Variants in VENTX observed in about 807,000 individuals in gnomAD.
The protein encoded by VENTX is VENT homeobox.
Under a neutral mutation model 10.5 loss-of-function variants are expected in VENTX, and 13 were observed. That is an observed-to-expected ratio of 1.23 (90% CI 0.80 to 1.96). The LOEUF (loss-of-function observed/expected upper bound fraction) is 1.96. Among genes scored for constraint, VENTX ranks in the 30% most tolerant of loss-of-function variants. VENTX has a pLI of 0.00. For missense variants in VENTX, 400 were observed against 341.8 expected (o/e 1.17, Z -1.34); for synonymous variants, 177 against 150.4 (o/e 1.18, Z -1.29).
Position 133,240,220 on chromosome 10 carries a change from AC to A in VENTX, c.695del (p.Pro232GlnfsTer63), listed in dbSNP as rs748563493. ...GCAGCCTCTGGCGTCCCACCCCCCTACCCCAGGCCGGCCTTCGCTGGGACCA... is the reference window on the plus strand; with the variant it reads ...GCAGCCTCTGGCGTCCCACCCCCCTACCCAGGCCGGCCTTCGCTGGGACCA... Reference protein sequence around the residue: ...CGQPLASHPPTPGRPSLGPAL... With the variant: ...CGQPLASHPPXPGRPSLGPAL... On this transcript the variant is annotated frameshift_variant, in exon 3 of 3. Coordinates refer to ENST00000325980, the MANE Select transcript of VENTX (RefSeq NM_014468.4). LOFTEE classifies it low-confidence loss of function (END_TRUNC). 68 of 1,608,994 alleles carry A rather than the reference AC, an allele frequency of 4.2e-5. No individual in the cohort carries two copies. Among genetic ancestry groups the A allele is most frequent in the Non-Finnish European group, 5.7e-5 (67 of 1,179,180 alleles).
In VENTX at chr10:133,239,638, T is replaced by C. The variant is rs367546707; in HGVS notation, c.242-38T>C. The C allele has an allele frequency of 6.8e-6, 11 of 1,607,542 alleles. No homozygotes were observed. The African/African-American group carries it at 1.3e-4, about 20-fold the overall frequency. On this transcript the variant is annotated intron_variant, in intron 1 of 2. Transcript: ENST00000325980. Reference sequence around the variant, plus strand: ...GTGGGCACGAGCTTGCCCCATGGGGTGGCATGTTGAGCCAAATGCCCTTAC... The same window carrying C: ...GTGGGCACGAGCTTGCCCCATGGGGCGGCATGTTGAGCCAAATGCCCTTAC...
chr10:133,239,868 G>A (rs771973181), intron 2 of VENTX, 32 bp downstream of exon 2: 4 of 1,608,936 alleles, frequency 2.5e-6, no homozygotes, highest in Middle Eastern at 3.5e-4. Flanking sequence ...GGGGTGGGCA[G>A]GGGTGGGCAA....
Position 133,240,244 on chromosome 10 carries a change from C to T in VENTX, c.715C>T (p.Pro239Ser), listed in dbSNP as rs1228975538. ...TACCCCAGGCCGGCCTTCGCTGGGA[C>T]CAGCCCTGTCCACGGGGCCCCGGGG... ...PPTPGRPSLG[P>S]ALSTGPRGLC... The change falls in exon 3 of 3, where the codon CCA becomes TCA. Residue 239 changes from proline (P) to serine (S), a missense_variant. By Grantham distance (74) the Pro-to-Ser change is moderately conservative. Transcript: ENST00000325980. 2 of 1,609,932 alleles carry T rather than the reference C, an allele frequency of 1.2e-6. No homozygotes were observed. The highest frequency in any genetic ancestry group is 1.7e-5 in the Admixed American group (1 of 59,676).
Position 133,240,443 on chromosome 10 carries a change from AATATATATAAATATATATATGTACGT to A in VENTX, c.*144_*169del. On this transcript the variant is annotated 3_prime_UTR_variant, in exon 3 of 3. Transcript: ENST00000325980. ...ACAAAGGTTCTGGAGATTACTGGAG[AATATATATAAATATATATATGTACGT>A]ATATATGTAAATACACATATACGTA... The A allele has an allele frequency of 1.4e-6, 1 of 710,998 alleles. No individual in the cohort carries two copies. The allele number at this position is 710,998 out of a possible 1,614,324, so 44.0% of individuals were successfully genotyped here.
rs1845874225 is a variant in VENTX at position 133,238,023 on chromosome 10, C to T, written c.109C>T (p.Pro37Ser). ...CTCAGGGCCGACCCACACCCCCAGG[C>T]CTGCCGACTTCTCCCTGGGGAGCCT... Reference protein sequence around the residue: ...SCSGPTHTPRPADFSLGSLPG... With the variant: ...SCSGPTHTPRSADFSLGSLPG... Residue 37 changes from proline to serine, a missense_variant, in exon 1 of 3, where the codon CCT becomes TCT. Physicochemically the swap from Pro to Ser is moderately conservative, Grantham distance 74 (BLOSUM62 -1). Coordinates refer to ENST00000325980, the MANE Select transcript of VENTX (RefSeq NM_014468.4). The T allele has an allele frequency of 6.2e-7, 1 of 1,600,754 alleles. No individual in the cohort carries two copies. The highest frequency in any genetic ancestry group is 8.5e-7 in the Non-Finnish European group (1 of 1,176,116).
chr10:133,240,351 C>T lies in VENTX; in HGVS notation c.*45C>T. On this transcript the variant is annotated 3_prime_UTR_variant, in exon 3 of 3. Coordinates refer to ENST00000325980, the MANE Select transcript of VENTX (RefSeq NM_014468.4). The stretch of plus-strand genomic sequence containing the variant: ...ACACTCGCGGTCTTGCTGATCGCAC[C>T]TGGCTCCTACCTGGAGGACTCAGTT... 6.6e-7 allele frequency: 1 copy of T among 1,526,412 alleles called. No homozygotes were observed. Among genetic ancestry groups the T allele is most frequent in the Non-Finnish European group, 8.8e-7 (1 of 1,136,916 alleles). The allele number at this position is 1,526,412 out of a possible 1,614,324, so 94.6% of individuals were successfully genotyped here. A position where few individuals can be genotyped will look rare whatever the true frequency, so the allele number is the denominator to read the frequency against.
chr10:133,239,864 G>A (rs1845907004), intron 2 of VENTX, 28 bp downstream of exon 2: 1 of 1,608,036 alleles, frequency 6.2e-7, no homozygotes, highest in South Asian at 1.1e-5. Context: ...GGCTGGGGTG[G>A]GCAGGGGTGG....
intron 2 of VENTX, 45 bp from the exon 3 acceptor site, chr10:133,239,887 T>C: frequency 1.9e-6 from 3 of 1,607,600 alleles, no homozygotes; most frequent in East Asian, 2.2e-5. Context: ...AAGGGTGGGC[T>C]GGTGGCCTAG....
At chr10:133,238,302 G>A in intron 1 of VENTX, 147 bp downstream of exon 1, 1 of 1,076,080 alleles carries the variant, frequency 9.3e-7, no homozygotes. Flanking sequence ...CGGAGGCCTT[G>A]CCGGCGCCCT....
Position 133,237,914 on chromosome 10 carries a change from C to T in VENTX, c.-1C>T. ...CCTTCCCTCCGGCCCACCTGGCCGC[C>T]ATGCGCCTCTCCTCCTCCCCACCTC... On this transcript the variant is annotated 5_prime_UTR_variant, in exon 1 of 3. Coordinates refer to ENST00000325980, the MANE Select transcript of VENTX (RefSeq NM_014468.4). 4 of 1,586,092 alleles carry T rather than the reference C, an allele frequency of 2.5e-6. No homozygotes were observed. Among genetic ancestry groups the T allele is most frequent in the Non-Finnish European group, 3.4e-6 (4 of 1,173,166 alleles).
At position 133,240,296 on chromosome 10, in the gene VENTX, A is replaced by T; in HGVS notation, c.767A>T (p.Asp256Val). 1 of 1,580,314 alleles carries T rather than the reference A, an allele frequency of 6.3e-7. No individual in the cohort carries two copies. Among genetic ancestry groups the T allele is most frequent in the Non-Finnish European group, 8.6e-7 (1 of 1,161,152 alleles). The change falls in exon 3 of 3, where the codon GAT (aspartate) becomes GTT (valine). Residue 256 changes from aspartate (D) to valine (V), a missense_variant. Physicochemically the swap from Asp to Val is radical, Grantham distance 152. Transcript: ENST00000325980. Reference sequence around the variant, plus strand: ...CTGTGTGCTATGCCACAGACGGGGGATGCATTTTGAGGAGGCACCTCTGAC... The same window carrying T: ...CTGTGTGCTATGCCACAGACGGGGGTTGCATTTTGAGGAGGCACCTCTGAC... ...RGLCAMPQTG[D>V]AF
In VENTX at chr10:133,238,030, AC is replaced by A; in HGVS notation, c.117del (p.Phe40SerfsTer43). 6.2e-7 allele frequency: 1 copy of A among 1,600,658 alleles called. No homozygotes were observed. Among genetic ancestry groups the A allele is most frequent in the Non-Finnish European group, 8.5e-7 (1 of 1,175,840 alleles). Reference sequence around the variant, plus strand: ...CCGACCCACACCCCCAGGCCTGCCGACTTCTCCCTGGGGAGCCTCCCTGGCC... The same window carrying A: ...CCGACCCACACCCCCAGGCCTGCCGATTCTCCCTGGGGAGCCTCCCTGGCC... The part of the protein sequence containing the change: ...SGPTHTPRPA[D>X]FSLGSLPGPG... On this transcript the variant is annotated frameshift_variant, in exon 1 of 3. Transcript: ENST00000325980. LOFTEE classifies it high-confidence loss of function.
At chr10:133,239,005 G>A (rs1845891679) in intron 1 of VENTX, among the ~76,000 whole-genome samples, 1 of 152,218 alleles carries the variant, frequency 6.6e-6, no homozygotes, top group Non-Finnish European at 1.5e-5. Context: ...GAAGGCATTT[G>A]CTTTTTGGGT....
intron 1 of VENTX, 134 bp from the exon 2 acceptor site, chr10:133,239,542 C>CT: frequency 1.8e-6 from 2 of 1,092,948 alleles, no homozygotes; most frequent in Non-Finnish European, 2.6e-6. Context: ...GGCGGGGGTG[C>CT]TGCTGGTCAC....
Position 133,240,504 on chromosome 10 carries a change from A to T in VENTX, c.*198A>T. 2 of 173,056 alleles carry T rather than the reference A, an allele frequency of 1.2e-5. No individual in the cohort carries two copies. The highest frequency in any genetic ancestry group is 2.2e-5 in the Non-Finnish European group (2 of 91,854). 10.7% of individuals were successfully genotyped at this position (173,056 alleles called of 1,614,324 possible). A position where few individuals can be genotyped will look rare whatever the true frequency, so the allele number is the denominator to read the frequency against. The stretch of plus-strand genomic sequence containing the variant: ...AATACACATATACGTATATATAAAT[A>T]TATATATACATATGTGTGTGTATAT... On this transcript the variant is annotated 3_prime_UTR_variant, in exon 3 of 3. Coordinates refer to ENST00000325980, the MANE Select transcript of VENTX (RefSeq NM_014468.4).
In VENTX at chr10:133,240,145, T is replaced by C; in HGVS notation, c.616T>C (p.Cys206Arg). ...MLPPGSFWGLCQVAQEALASA... is the reference protein window; with the variant it reads ...MLPPGSFWGLRQVAQEALASA... ...GCCCCCTGGCTCCTTCTGGGGTCTCTGCCAAGTGGCACAAGAGGCCCTGGC... is the reference window on the plus strand; with the variant it reads ...GCCCCCTGGCTCCTTCTGGGGTCTCCGCCAAGTGGCACAAGAGGCCCTGGC... Residue 206 changes from cysteine to arginine, a missense_variant, in exon 3 of 3, where the codon TGC (cysteine) becomes CGC (arginine). Physicochemically the swap from Cys to Arg is radical, Grantham distance 180. Coordinates refer to ENST00000325980, the MANE Select transcript of VENTX (RefSeq NM_014468.4). 1 of 1,609,622 alleles carries C rather than the reference T, an allele frequency of 6.2e-7. No homozygotes were observed. The highest frequency in any genetic ancestry group is 8.5e-7 in the Non-Finnish European group (1 of 1,179,920).
Position 133,238,069 on chromosome 10 carries a change from C to T in VENTX, c.155C>T (p.Ser52Phe). The stretch of plus-strand genomic sequence containing the variant: ...AGCCTCCCTGGCCCAGGCCAGACAT[C>T]CGGCGCCCGGGAGCCCCCTCAGGCC... ...LGSLPGPGQTSGAREPPQAVS... is the reference protein window; with the variant it reads ...LGSLPGPGQTFGAREPPQAVS... Residue 52 changes from serine (S) to phenylalanine (F), a missense_variant, in exon 1 of 3, where the codon TCC becomes TTC. Transcript: ENST00000325980. The T allele has an allele frequency of 6.3e-7, 1 of 1,596,850 alleles. No individual in the cohort carries two copies. Among genetic ancestry groups the T allele is most frequent in the South Asian group, 1.1e-5 (1 of 88,666 alleles).
chr10:133,238,304 C>G (rs1845881481), intron 1 of VENTX, 149 bp downstream of exon 1: 1 of 1,074,414 alleles, frequency 9.3e-7, no homozygotes, highest in Non-Finnish European at 1.3e-6. Flanking sequence ...GAGGCCTTGC[C>G]GGCGCCCTCA....
rs1284958665 is a variant in VENTX at position 133,240,904 on chromosome 10, A to C, written c.*598A>C. 4.6e-5 allele frequency: 7 copies of C among 152,102 alleles called. No homozygotes were observed. The highest frequency in any genetic ancestry group is 4.6e-4 in the Admixed American group (7 of 15,246). 9.4% of individuals were successfully genotyped at this position (152,102 alleles called of 1,614,324 possible). ...AAGTTACCGAAAGAGTCGGTTTAGG[A>C]AGGAAACGAAGGGTCAGTGAACAGA... On this transcript the variant is annotated 3_prime_UTR_variant, in exon 3 of 3. Coordinates refer to ENST00000325980, the MANE Select transcript of VENTX (RefSeq NM_014468.4).
Sources: allele counts gnomAD v4.1 joint callset (sites outside exome capture counted in the v4.1 genomes callset), GRCh38; gene constraint gnomAD v4.1.1; transcripts MANE v1.5; gene names NCBI Gene and HGNC (gene_info 2026-07-23, HGNC 2026-07-21).